The following MEG3 variants were observed in gnomAD, a reference collection of about 807,000 sequenced individuals.
MEG3 encodes maternally expressed 3, also known as Very putative protein from MEG3 locus.
At chr14:100,832,100 A>G (rs2139943844), downstream of MEG3, 1 of 128,028 alleles carries the variant, frequency 7.8e-6, no homozygotes, top group East Asian at 2.4e-4. Context: ...ATAACTAAAC[A>G]AAGACATTAA....
Position 100,843,707 on chromosome 14 carries a change from G to A in MEG3, n.3046-1751G>A, listed in dbSNP as rs557918028. 2.0e-5 allele frequency among the ~76,000 whole-genome samples: 3 copies of A among 152,264 alleles called. No homozygotes were observed. In the East Asian group the frequency reaches 5.8e-4, roughly 29 times the overall value. On this transcript the variant is annotated intron_variant and non_coding_transcript_variant, in intron 2 of 3. Coordinates refer to the MEG3 transcript ENST00000398461. ...GGAATAGAGAGGCAGAGGCAGCAGG[G>A]GTGGCCCAGATGGCAGGGGTGGGTT...
rs1043753154 is a variant in MEG3, at chr14:100,837,191, C to T, written n.3045+891C>T. ...CGGGGGCTCAGGGTGGCATGCTGGA[C>T]GGCCATGCCAGGCTGAAGTTTGGGC... is the stretch of plus-strand genomic sequence containing the variant. On this transcript the variant is annotated intron_variant and non_coding_transcript_variant, in intron 2 of 3. Transcript: ENST00000398461. This position sits in a 1 kb window ranked among gnomAD's most constrained non-coding sequence, Gnocchi z 5.8. Among the ~76,000 whole-genome samples the T allele has an allele frequency of 4.1e-4, 63 of 152,146 alleles. No individual in the cohort carries two copies. Among genetic ancestry groups the T allele is most frequent in the Non-Finnish European group, 2.2e-4 (15 of 68,028 alleles).
chr14:100,834,669 C>G, exon 1 of MEG3: 1 of 456,560 alleles, frequency 2.2e-6, no homozygotes, highest in South Asian at 1.5e-5. Flanking sequence ...CTTGACCAGC[C>G]CCGTGTCTCC....
chr14:100,845,735 G>GGT lies in MEG3; in HGVS notation n.3121+202_3121+203insGT. ...CTGTTTTCTAAGACAGGAGCCCCCT[G>GGT]CCTCCTTGTGTTGTCTCTGTGGCAA... On this transcript the variant is annotated intron_variant and non_coding_transcript_variant, in intron 3 of 3. Coordinates refer to the MEG3 transcript ENST00000398461. This position sits in a 1 kb window ranked among gnomAD's most constrained non-coding sequence, Gnocchi z 5.2. 1.7e-4 allele frequency: 40 copies of GGT among 236,418 alleles called. No individual in the cohort carries two copies. The highest frequency in any genetic ancestry group is 2.7e-4 in the East Asian group (2 of 7,286). The allele number at this position is 236,418 out of a possible 1,614,324, so 14.6% of individuals were successfully genotyped here.
chr14:100,849,864 G>T (rs2038017357), intron 3 of MEG3: 1 of 152,082 alleles, frequency 6.6e-6, no homozygotes, highest in African/African-American at 2.4e-5. Flanking sequence ...TCTGAACAGG[G>T]ATTATAATTA....
chr14:100,839,707 C>T (rs1029760552), intron 2 of MEG3, among the ~76,000 whole-genome samples: 2 of 152,120 alleles, frequency 1.3e-5, no homozygotes, highest in African/African-American at 2.4e-5. Context: ...TGAGGGCGTG[C>T]AGACCCTCCC....
chr14:100,843,916 T>C (rs949843046), intron 2 of MEG3, among the ~76,000 whole-genome samples: 2 of 147,922 alleles, frequency 1.4e-5, no homozygotes, highest in African/African-American at 5.0e-5. Flanking sequence ...CTTGGCTCAC[T>C]GTAATCTCTG....
intron 2 of MEG3, among the ~76,000 whole-genome samples, chr14:100,838,914 C>T (rs761913724): frequency 2.6e-5 from 4 of 152,162 alleles, no homozygotes; most frequent in Non-Finnish European, 5.9e-5. Context: ...GGGCCCCTGA[C>T]CTCATGCCTC....
upstream of MEG3, chr14:100,853,792 T>C (rs1361077931): frequency 6.6e-6 from 1 of 152,246 alleles, no homozygotes; most frequent in Non-Finnish European, 1.5e-5. Context: ...CACCCTTTTT[T>C]TCATTCTTAA....
At position 100,845,569 on chromosome 14, in the gene MEG3, C is replaced by CA; in HGVS notation, n.3121+36_3121+37insA. The stretch of plus-strand genomic sequence containing the variant: ...GGAGTGTAAAGAACACACATGTGGC[C>CA]TTGCTGCTGAGGGTGGGGCCAGCTG... On this transcript the variant is annotated intron_variant and non_coding_transcript_variant, in intron 3 of 3. Transcript: ENST00000398461. This position sits in a 1 kb window ranked among gnomAD's most constrained non-coding sequence, Gnocchi z 5.2. The CA allele has an allele frequency of 2.2e-6, 1 of 452,676 alleles. No homozygotes were observed. The highest frequency in any genetic ancestry group is 4.4e-6 in the Non-Finnish European group (1 of 224,804). The allele number at this position is 452,676 out of a possible 1,614,324, so 28.0% of individuals were successfully genotyped here. A position where few individuals can be genotyped will look rare whatever the true frequency, so the allele number is the denominator to read the frequency against.
At chr14:100,860,548 A>T in intron 1 of MEG3, 1 of 424,908 alleles carries the variant, frequency 2.4e-6, no homozygotes, top group South Asian at 1.7e-5. Flanking sequence ...TGCTCCCCTC[A>T]CCCTCCATGC....
upstream of MEG3, chr14:100,855,229 A>G (rs2140005215): frequency 6.5e-6 from 1 of 152,744 alleles, no homozygotes; most frequent in Non-Finnish European, 1.5e-5. Flanking sequence ...CTACCCATCC[A>G]TGCATTTGGC....
chr14:100,836,058 C>T, intron 1 of MEG3: 1 of 369,554 alleles, frequency 2.7e-6, no homozygotes, highest in Non-Finnish European at 5.3e-6. Context: ...CCCCACTCCA[C>T]CGAAAAGTAA....
chr14:100,844,987 G>A (rs1252348979), intron 2 of MEG3, among the ~76,000 whole-genome samples: 5 of 152,096 alleles, frequency 3.3e-5, no homozygotes, highest in Admixed American at 2.0e-4. Context: ...TTTGGGAAAC[G>A]CTGCCCATTA....
chr14:100,860,972 G>T (rs777004719), exon 2 of MEG3: 3 of 309,462 alleles, frequency 9.7e-6, no homozygotes, highest in Non-Finnish European at 1.9e-5. Flanking sequence ...CAAAGCACAG[G>T]GCTTGGCGCA....
chr14:100,843,828 G>C (rs1277892161), intron 2 of MEG3, among the ~76,000 whole-genome samples: 3 of 143,350 alleles, frequency 2.1e-5, no homozygotes, highest in African/African-American at 7.8e-5. Context: ...TGTCTCCCGG[G>C]ACCTGTTTTT....
At chr14:100,826,545 T>C (rs1462740825) in intron 1 of MEG3, among the ~76,000 whole-genome samples, 1 of 152,096 alleles carries the variant, frequency 6.6e-6, no homozygotes, top group Non-Finnish European at 1.5e-5. Flanking sequence ...CGGCAGTCAC[T>C]GGGGGGCGAA....
chr14:100,858,480 C>T (rs1165282881), exon 1 of MEG3: 2 of 152,796 alleles, frequency 1.3e-5, no homozygotes, highest in East Asian at 3.9e-4. Flanking sequence ...GCTGGGTGTT[C>T]CTTCTGCTCC....
In MEG3 at chr14:100,837,374, G is replaced by C. The variant is rs2037616685; in HGVS notation, n.3045+1074G>C. ...CACCCCTCATATATGACGCCCCTGGGGTGGCCATTGTGGTGAATGAGTGCA... is the reference window on the plus strand; with the variant it reads ...CACCCCTCATATATGACGCCCCTGGCGTGGCCATTGTGGTGAATGAGTGCA... On this transcript the variant is annotated intron_variant and non_coding_transcript_variant, in intron 2 of 3. Coordinates refer to the MEG3 transcript ENST00000398461. This position sits in a 1 kb window ranked among gnomAD's most constrained non-coding sequence, Gnocchi z 5.8. Among the ~76,000 whole-genome samples, 1 of 152,178 alleles carries C rather than the reference G, an allele frequency of 6.6e-6. No individual in the cohort carries two copies. The highest frequency in any genetic ancestry group is 2.4e-5 in the African/African-American group (1 of 41,446).
Sources: gnomAD v4.1 joint callset for allele counts (sites outside exome capture counted in the v4.1 genomes callset) on GRCh38, gnomAD v4.1.1 for gene constraint, Gnocchi (gnomAD v3.1) non-coding constraint, MANE v1.5 for transcripts, NCBI Gene and HGNC (gene_info 2026-07-23, HGNC 2026-07-21) for gene names.